RNGTT: variants seen among roughly 807,000 people sequenced by gnomAD.
The protein encoded by RNGTT is RNA guanylyltransferase and 5'-phosphatase.
In RNGTT, 33 loss-of-function variants were observed where a neutral mutation model predicts 79.3. That is an observed-to-expected ratio of 0.42 (90% CI 0.32 to 0.56). The LOEUF is 0.56. Ranked by LOEUF, RNGTT falls within the 20% of genes least tolerant of loss-of-function variation. The probability of loss-of-function intolerance (pLI) is 0.17; values close to 1 mark genes in which losing one functional copy is unlikely to be tolerated. For missense variants in RNGTT, 497 were observed against 739.1 expected, an observed-to-expected ratio of 0.67 and a Z score of 3.80; for synonymous variants, 222 against 235.9, an observed-to-expected ratio of 0.94 and a Z score of 0.54.
At chr6:88,808,287 C>T (rs1164067259) in intron 11 of RNGTT, among the ~76,000 whole-genome samples, 1 of 151,794 alleles carries the variant, frequency 6.6e-6, no homozygotes, top group African/African-American at 2.4e-5. Flanking sequence ...GGTAAGAACC[C>T]CAACTAGGAA....
chr6:88,831,393 T>C (rs1336906069), intron 11 of RNGTT, among the ~76,000 whole-genome samples: 1 of 152,174 alleles, frequency 6.6e-6, no homozygotes, highest in Non-Finnish European at 1.5e-5. Context: ...TCAACACCTC[T>C]TCATGCTAAA....
At chr6:88,770,483 TC>T (rs1426909642) in intron 12 of RNGTT, among the ~76,000 whole-genome samples, 1 of 152,254 alleles carries the variant, frequency 6.6e-6, no homozygotes, top group African/African-American at 2.4e-5. Context: ...AGTAGTATGT[TC>T]CTTTTCATTG....
chr6:88,871,818 T>C (rs1224512986), intron 8 of RNGTT, among the ~76,000 whole-genome samples: 1 of 152,146 alleles, frequency 6.6e-6, no homozygotes, highest in East Asian at 1.9e-4. Flanking sequence ...GTGGCTTCAC[T>C]CCCAGAAAGA....
intron 13 of RNGTT, among the ~76,000 whole-genome samples, chr6:88,722,096 A>C (rs970265661): frequency 3.3e-5 from 5 of 151,086 alleles, no homozygotes; most frequent in African/African-American, 1.2e-4. Flanking sequence ...ATCACCTAGT[A>C]TCTATCATAC....
At chr6:88,942,943 G>T (rs974452745) in intron 1 of RNGTT, among the ~76,000 whole-genome samples, 1 of 152,014 alleles carries the variant, frequency 6.6e-6, no homozygotes, top group African/African-American at 2.4e-5. Flanking sequence ...ATATCCTCCT[G>T]GTTTTCCTTC....
At chr6:88,780,885 G>A (rs1208215586) in intron 12 of RNGTT, among the ~76,000 whole-genome samples, 1 of 152,162 alleles carries the variant, frequency 6.6e-6, no homozygotes, top group Non-Finnish European at 1.5e-5. Context: ...TATTTGTGGT[G>A]TAAAGCACTG....
At chr6:88,688,580 AC>A (rs1775361820) in intron 13 of RNGTT, among the ~76,000 whole-genome samples, 1 of 152,252 alleles carries the variant, frequency 6.6e-6, no homozygotes, top group Non-Finnish European at 1.5e-5. Flanking sequence ...ATCTTATGGT[AC>A]TAGAAAGTAA....
At chr6:88,697,995 A>T (rs752433159) in intron 13 of RNGTT, among the ~76,000 whole-genome samples, 2 of 95,378 alleles carry the variant, frequency 2.1e-5, no homozygotes, top group African/African-American at 1.7e-4. Context: ...ATATATATGA[A>T]ATACATATAT....
At chr6:88,748,348 G>A (rs753028879) in intron 13 of RNGTT, among the ~76,000 whole-genome samples, 2 of 151,876 alleles carry the variant, frequency 1.3e-5, no homozygotes, top group Non-Finnish European at 2.9e-5. Flanking sequence ...TGCCACACAG[G>A]CTCCAAGGCC....
intron 13 of RNGTT, among the ~76,000 whole-genome samples, chr6:88,679,352 A>C (rs959627288): frequency 2.6e-5 from 4 of 152,132 alleles, no homozygotes; most frequent in Non-Finnish European, 5.9e-5. Flanking sequence ...GGAGAAACTT[A>C]CACAATGTCC....
chr6:88,618,712 C>A (rs1772326291), intron 14 of RNGTT, among the ~76,000 whole-genome samples: 1 of 152,038 alleles, frequency 6.6e-6, no homozygotes, highest in South Asian at 2.1e-4. Context: ...GATTGCATAC[C>A]ACACTTTTAT....
chr6:88,821,225 T>C (rs994740745), intron 11 of RNGTT, among the ~76,000 whole-genome samples: 1 of 152,130 alleles, frequency 6.6e-6, no homozygotes, highest in African/African-American at 2.4e-5. Flanking sequence ...CAAGTGGTGA[T>C]AGAACAACCG....
At chr6:88,626,417 G>C (rs1772635555) in intron 14 of RNGTT, among the ~76,000 whole-genome samples, 1 of 151,988 alleles carries the variant, frequency 6.6e-6, no homozygotes, top group African/African-American at 2.4e-5. Flanking sequence ...TTTACCTCTT[G>C]AGTATTTAAG....
intron 12 of RNGTT, among the ~76,000 whole-genome samples, chr6:88,771,331 A>ATATATATATG (rs1778666568): frequency 2.4e-5 from 3 of 126,632 alleles, no homozygotes; most frequent in African/African-American, 9.7e-5. Context: ...ATATATATAT[A>ATATATATATG]TATATATATA....
At chr6:88,938,350 T>C (rs970640931) in intron 2 of RNGTT, among the ~76,000 whole-genome samples, 1 of 152,216 alleles carries the variant, frequency 6.6e-6, no homozygotes, top group African/African-American at 2.4e-5. Flanking sequence ...GTTTAGCTAC[T>C]CCTGCTCACC....
chr6:88,754,541 A>T (rs1777943645), intron 13 of RNGTT, among the ~76,000 whole-genome samples: 1 of 152,214 alleles, frequency 6.6e-6, no homozygotes, highest in Admixed American at 6.5e-5. Flanking sequence ...TGAGCCAATA[A>T]GGAAAATGGG....
In RNGTT at chr6:88,844,321, T is replaced by C. The variant is rs775666034; in HGVS notation, c.1269+36A>G. On this transcript the variant is annotated intron_variant, in intron 11 of 15. Coordinates refer to ENST00000369485, the MANE Select transcript of RNGTT (RefSeq NM_003800.5). ...ATCTTGTAAGCTGAATTATGAGACA[T>C]TATTAGCACTAATTTAAAAAAAAAT... 165 of 1,564,856 alleles carry C rather than the reference T, an allele frequency of 1.1e-4. 2 individuals are homozygous for C. The South Asian group carries it at 1.7e-3, about 16-fold the overall frequency.
At chr6:88,935,750 C>T (rs144664902) in intron 2 of RNGTT, among the ~76,000 whole-genome samples, 2 of 152,234 alleles carry the variant, frequency 1.3e-5, no homozygotes, top group East Asian at 3.9e-4. Context: ...TCCTTCATCA[C>T]TGTTCTAGTT....
intron 8 of RNGTT, among the ~76,000 whole-genome samples, chr6:88,860,798 A>G (rs1272989348): frequency 6.6e-6 from 1 of 151,420 alleles, no homozygotes; most frequent in Non-Finnish European, 1.5e-5. Context: ...AGATAGTGAG[A>G]CCACATCTCT....
Sources: allele counts gnomAD v4.1 joint callset (sites outside exome capture counted in the v4.1 genomes callset), GRCh38; gene constraint gnomAD v4.1.1; transcripts MANE v1.5; gene names NCBI Gene and HGNC (gene_info 2026-07-23, HGNC 2026-07-21).